Variants in POLI observed in about 807,000 individuals in gnomAD.
The protein encoded by POLI is DNA polymerase iota, also known as RAD30 homolog B.
A neutral mutation model predicts 51.6 loss-of-function variants in POLI; 58 were observed. The observed-to-expected ratio is 1.12, with a 90% CI of 0.91 to 1.40. POLI has a LOEUF of 1.40. Ranked by LOEUF, POLI falls within the 40% of genes most tolerant of loss-of-function variation. POLI has a pLI of 0.00. For synonymous variants in POLI, 322 were observed against 299.7 expected, an observed-to-expected ratio of 1.07 and a Z score of -0.77; for missense variants, 921 against 871.3, an observed-to-expected ratio of 1.06 and a Z score of -0.72.
intron 4 of POLI, 43 bp downstream of exon 4, chr18:54,277,898 A>G (rs748548336): frequency 1.1e-5 from 16 of 1,421,764 alleles, no homozygotes; most frequent in South Asian, 8.8e-5. Flanking sequence ...CCAAAAGTAC[A>G]TACATTTCTT....
chr18:54,279,124 AG>A (rs3730732), intron 4 of POLI, among the ~76,000 whole-genome samples: 117,037 of 152,080 alleles, frequency 0.77, 45,860 homozygotes, highest in African/African-American at 0.93. Context: ...TATCCCAAAA[AG>A]GGAAATGTGG....
rs2088148610 is a variant in POLI at position 54,293,852 on chromosome 18, A to G, written c.1608A>G (p.Pro536=). The G allele has an allele frequency of 1.2e-6, 2 of 1,611,014 alleles. No individual in the cohort carries two copies. The highest frequency in any genetic ancestry group is 1.1e-5 in the South Asian group (1 of 90,760). Residue 536 remains proline (P), a synonymous_variant, in exon 10 of 10, where the codon CCA becomes CCG. Transcript: ENST00000579534. The part of the protein sequence containing the change: ...GVDQEVFKQL[P]VDIQEEILSG... ...ACCAAGAAGTCTTCAAGCAGCTTCC[A>G]GTAGATATTCAAGAAGAAATCCTTT...
downstream of POLI, among the ~76,000 whole-genome samples, chr18:54,298,508 T>G (rs1186462863): frequency 6.6e-6 from 1 of 152,096 alleles, no homozygotes; most frequent in Non-Finnish European, 1.5e-5. Flanking sequence ...GCACTTCTGT[T>G]GTTTAGGAAA....
Position 54,295,879 on chromosome 18 carries a change from G to C in POLI, c.*1412G>C. Reference sequence around the variant, plus strand: ...CTGGTCTCAGGTGATCCTCCACCTTGGCCTCCCAAAGTGCTGGGATTACAG... The same window carrying C: ...CTGGTCTCAGGTGATCCTCCACCTTCGCCTCCCAAAGTGCTGGGATTACAG... On this transcript the variant is annotated 3_prime_UTR_variant, in exon 10 of 10. Transcript: ENST00000579534. 1 of 755,544 alleles carries C rather than the reference G, an allele frequency of 1.3e-6. No homozygotes were observed. Among genetic ancestry groups the C allele is most frequent in the Non-Finnish European group, 1.6e-6 (1 of 620,338 alleles). The allele number at this position is 755,544 out of a possible 1,614,324, so 46.8% of individuals were successfully genotyped here.
chr18:54,283,163 T>TC, intron 6 of POLI, 148 bp downstream of exon 6: 2 of 522,314 alleles, frequency 3.8e-6, no homozygotes, highest in Non-Finnish European at 6.8e-6. Context: ...TATTAATAGA[T>TC]TGGATTAATA....
At chr18:54,284,596 G>A (rs1312752366) in intron 7 of POLI, 1 of 152,180 alleles carries the variant, frequency 6.6e-6, no homozygotes, top group Non-Finnish European at 1.5e-5. Context: ...GATTGTTGAG[G>A]ATAGGAAATT....
Position 54,277,768 on chromosome 18 carries a change from A to G in POLI, c.472A>G (p.Thr158Ala), listed in dbSNP as rs1463569629. The G allele has an allele frequency of 8.7e-6, 14 of 1,611,906 alleles. No individual in the cohort carries two copies. The highest frequency in any genetic ancestry group is 1.2e-5 in the Non-Finnish European group (14 of 1,178,444). The change falls in exon 4 of 10, where the codon ACA becomes GCA. Residue 158 changes from threonine to alanine, a missense_variant. Coordinates refer to ENST00000579534, the MANE Select transcript of POLI (RefSeq NM_007195.3). ...LGFDENFVDLTEMVEKRLQQL... is the reference protein window; with the variant it reads ...LGFDENFVDLAEMVEKRLQQL... Reference sequence around the variant, plus strand: ...ATTTGATGAAAATTTTGTGGATCTAACAGAAATGGTTGAGAAGAGACTACA... The same window carrying G: ...ATTTGATGAAAATTTTGTGGATCTAGCAGAAATGGTTGAGAAGAGACTACA...
intron 3 of POLI, among the ~76,000 whole-genome samples, chr18:54,275,427 C>T (rs1289304977): frequency 6.6e-6 from 1 of 152,088 alleles, no homozygotes; most frequent in Non-Finnish European, 1.5e-5. Context: ...GAAAAATGCC[C>T]ATCAAGAGAA....
chr18:54,284,454 C>T (rs476630), intron 7 of POLI: 38,562 of 152,076 alleles, frequency 0.25, 5,099 homozygotes, highest in Middle Eastern at 0.3. Context: ...ATACAAAACC[C>T]GTGAAATTAA....
chr18:54,320,953 A>G (rs563838941), intron 4 of POLI: 4 of 152,166 alleles, frequency 2.6e-5, no homozygotes, highest in Non-Finnish European at 2.9e-5. Context: ...ACTGTATCAC[A>G]ACTAGGAAAA....
intron 4 of POLI, among the ~76,000 whole-genome samples, chr18:54,320,756 C>T (rs1030612420): frequency 4.0e-5 from 6 of 150,542 alleles, no homozygotes; most frequent in African/African-American, 7.3e-5. Context: ...CAAATGCTAT[C>T]GATTATGATA....
intron 8 of POLI, among the ~76,000 whole-genome samples, chr18:54,289,096 T>C (rs2087876689): frequency 6.6e-6 from 1 of 152,140 alleles, no homozygotes; most frequent in Admixed American, 6.6e-5. Flanking sequence ...TAGGGTTTTT[T>C]CTTTTTTGTT....
chr18:54,300,876 C>T (rs1434108440), downstream of POLI, among the ~76,000 whole-genome samples: 1 of 152,248 alleles, frequency 6.6e-6, no homozygotes, highest in East Asian at 1.9e-4. Flanking sequence ...AAATGATAAA[C>T]GAGTCAGTTC....
intron 8 of POLI, among the ~76,000 whole-genome samples, chr18:54,288,405 G>A (rs607877): frequency 0.069 from 10,559 of 151,998 alleles, 435 homozygotes; most frequent in African/African-American, 0.089. Flanking sequence ...TGTGGTATAC[G>A]GTAAGGGTCT....
Position 54,294,109 on chromosome 18 carries a change from C to T in POLI, c.1865C>T (p.Ser622Leu). ...SSYMSSQKDY[S>L]YYLDNRLKDE... ...TACATGTCTAGCCAAAAGGATTATTCATATTATTTAGATAATAGATTAAAA... is the reference window on the plus strand; with the variant it reads ...TACATGTCTAGCCAAAAGGATTATTTATATTATTTAGATAATAGATTAAAA... The change falls in exon 10 of 10, where the codon TCA (serine) becomes TTA (leucine). Residue 622 changes from serine to leucine, a missense_variant. Coordinates refer to ENST00000579534, the MANE Select transcript of POLI (RefSeq NM_007195.3). The T allele has an allele frequency of 1.2e-6, 2 of 1,607,188 alleles. No homozygotes were observed. Among genetic ancestry groups the T allele is most frequent in the Non-Finnish European group, 1.7e-6 (2 of 1,174,100 alleles).
At chr18:54,315,164 T>C (rs1411312671) in intron 3 of POLI, among the ~76,000 whole-genome samples, 1 of 152,142 alleles carries the variant, frequency 6.6e-6, no homozygotes, top group Non-Finnish European at 1.5e-5. Flanking sequence ...ATGCTATGTC[T>C]CTATTTTATT....
chr18:54,269,649 G>A lies in POLI; in HGVS notation c.103G>A (p.Ala35Thr). The A allele has an allele frequency of 6.6e-7, 1 of 1,508,168 alleles. No homozygotes were observed. Among genetic ancestry groups the A allele is most frequent in the Non-Finnish European group, 8.8e-7 (1 of 1,131,584 alleles). 93.4% of individuals were successfully genotyped at this position (1,508,168 alleles called of 1,614,324 possible). A position where few individuals can be genotyped will look rare whatever the true frequency, so the allele number is the denominator to read the frequency against. Residue 35 changes from alanine to threonine, a missense_variant, in exon 1 of 10, where the codon GCC becomes ACC. Transcript: ENST00000579534. ...GGAACTGGCGGACGTGGGGGCGGCA[G>A]CCAGCTCGCAGGGTGCGCCGCAGCC... ...AMELADVGAA[A>T]SSQGVHDQVL... is the part of the protein sequence containing the mutation.
intron 5 of POLI, 117 bp downstream of exon 5, chr18:54,281,020 ATG>A (rs759422961): frequency 2.1e-3 from 1,211 of 581,512 alleles, no homozygotes; most frequent in East Asian, 2.9e-3. Context: ...GTTTGTGTGC[ATG>A]TGTGTGTGTG....
At chr18:54,285,112 C>T (rs1029949207) in intron 7 of POLI, among the ~76,000 whole-genome samples, 1 of 152,170 alleles carries the variant, frequency 6.6e-6, no homozygotes, top group Non-Finnish European at 1.5e-5. Context: ...ATGTGGCACT[C>T]AAATGTCTTG....
Sources: gnomAD v4.1 joint callset for allele counts (sites outside exome capture counted in the v4.1 genomes callset) on GRCh38, gnomAD v4.1.1 for gene constraint, MANE v1.5 for transcripts, NCBI Gene and HGNC (gene_info 2026-07-23, HGNC 2026-07-21) for gene names.